Variants in MECOM observed in about 807,000 individuals in gnomAD.
MECOM encodes the protein histone-lysine N-methyltransferase MECOM.
Under a neutral mutation model 116.3 loss-of-function variants are expected in MECOM, and 13 were observed. The observed-to-expected ratio is 0.11, with a 90% CI of 0.07 to 0.18. The LOEUF is 0.18. MECOM is among the 10% of genes least tolerant of loss of function. The probability of loss-of-function intolerance (pLI) is 1.00; values close to 1 mark genes in which losing one functional copy is unlikely to be tolerated. For missense variants in MECOM, 1,299 were observed against 1,509.0 expected (o/e 0.86, Z 2.31); for synonymous variants, 528 against 535.2 (o/e 0.99, Z 0.19).
chr3:169,363,673 T>C (rs951683315), intron 2 of MECOM, among the ~76,000 whole-genome samples: 1 of 151,866 alleles, frequency 6.6e-6, no homozygotes, highest in African/African-American at 2.4e-5. Flanking sequence ...TGAAAGACAA[T>C]GTCAGAATTA....
chr3:169,475,526 G>A (rs1416051184), intron 1 of MECOM, among the ~76,000 whole-genome samples: 1 of 152,018 alleles, frequency 6.6e-6, no homozygotes, highest in African/African-American at 2.4e-5. Flanking sequence ...ATGGACACAT[G>A]GATGAAATGG....
intron 13 of MECOM, among the ~76,000 whole-genome samples, chr3:169,093,775 C>G (rs894243230): frequency 6.6e-6 from 1 of 152,184 alleles, no homozygotes; most frequent in Admixed American, 6.5e-5. Context: ...CACTTTTACA[C>G]TTAAGCACTT....
intron 2 of MECOM, among the ~76,000 whole-genome samples, chr3:169,227,871 C>T (rs1752931833): frequency 6.6e-6 from 1 of 152,148 alleles, no homozygotes; most frequent in African/African-American, 2.4e-5. Context: ...GATTTTGTTG[C>T]TGTGAAAGTG....
At chr3:169,616,220 G>C (rs1229270474) in intron 1 of MECOM, among the ~76,000 whole-genome samples, 1 of 152,210 alleles carries the variant, frequency 6.6e-6, no homozygotes, top group Non-Finnish European at 1.5e-5. Flanking sequence ...AGGCATGGAG[G>C]CATCAAGGAA....
At chr3:169,319,382 C>T (rs896488091) in intron 2 of MECOM, among the ~76,000 whole-genome samples, 1 of 151,706 alleles carries the variant, frequency 6.6e-6, no homozygotes, top group African/African-American at 2.4e-5. Context: ...AATGAGAACA[C>T]ATGGACATGG....
At chr3:169,209,517 C>A (rs1368927138) in intron 2 of MECOM, among the ~76,000 whole-genome samples, 1 of 151,242 alleles carries the variant, frequency 6.6e-6, no homozygotes, top group Non-Finnish European at 1.5e-5. Context: ...GAGAAAAAAA[C>A]AAACAACCCC....
chr3:169,428,131 C>T (rs1180147627), intron 1 of MECOM, among the ~76,000 whole-genome samples: 1 of 152,148 alleles, frequency 6.6e-6, no homozygotes, highest in Non-Finnish European at 1.5e-5. Context: ...TGTGAGCCAA[C>T]ATCACACCAC....
At chr3:169,351,119 A>T (rs1726247852) in intron 2 of MECOM, among the ~76,000 whole-genome samples, 1 of 151,896 alleles carries the variant, frequency 6.6e-6, no homozygotes, top group Non-Finnish European at 1.5e-5. Context: ...TTTATATTTT[A>T]AAAATTTAGA....
chr3:169,654,902 A>G (rs1409296148), intron 1 of MECOM, among the ~76,000 whole-genome samples: 1 of 152,028 alleles, frequency 6.6e-6, no homozygotes, highest in Non-Finnish European at 1.5e-5. Flanking sequence ...ATATTCAAAA[A>G]CCATTCTGGA....
intron 2 of MECOM, among the ~76,000 whole-genome samples, chr3:169,337,400 A>G (rs1456551507): frequency 6.6e-6 from 1 of 152,156 alleles, no homozygotes; most frequent in Non-Finnish European, 1.5e-5. Context: ...AGAGATTTCA[A>G]TTTATTGATT....
intron 2 of MECOM, among the ~76,000 whole-genome samples, chr3:169,323,432 G>A (rs1721264024): frequency 6.6e-6 from 1 of 152,150 alleles, no homozygotes; most frequent in South Asian, 2.1e-4. Flanking sequence ...CTGTCTTCCT[G>A]TTCCATGGAA....
intron 2 of MECOM, among the ~76,000 whole-genome samples, chr3:169,376,871 C>T (rs1454461327): frequency 6.6e-6 from 1 of 152,122 alleles, no homozygotes; most frequent in Non-Finnish European, 1.5e-5. Flanking sequence ...ATAGCCAAGA[C>T]AATGCTAAGC....
rs1357575274 is a variant in MECOM at position 169,116,039 on chromosome 3, T to C, written c.1833A>G (p.Lys611=). Residue 611 remains lysine, a synonymous_variant, in exon 8 of 17, where the codon AAA becomes AAG. Transcript: ENST00000651503. ...LESDIESDKE[K]FKENGKMFKD... is the part of the protein sequence containing the mutation. ...TGAACATTTTACCATTTTCTTTAAATTTCTCTTTATCACTTTCAATGTCAC... is the reference window on the plus strand; with the variant it reads ...TGAACATTTTACCATTTTCTTTAAACTTCTCTTTATCACTTTCAATGTCAC... 6.2e-7 allele frequency: 1 copy of C among 1,614,146 alleles called. No individual in the cohort carries two copies. Among genetic ancestry groups the C allele is most frequent in the Admixed American group, 1.7e-5 (1 of 60,018 alleles).
chr3:169,472,185 T>C (rs1400299572), intron 1 of MECOM, among the ~76,000 whole-genome samples: 1 of 151,436 alleles, frequency 6.6e-6, no homozygotes, highest in Non-Finnish European at 1.5e-5. Flanking sequence ...ACCAACTGTG[T>C]ACCAACAAAA....
chr3:169,555,825 T>C (rs1761960715), intron 1 of MECOM, among the ~76,000 whole-genome samples: 1 of 152,214 alleles, frequency 6.6e-6, no homozygotes, highest in African/African-American at 2.4e-5. Flanking sequence ...TCATCACTTA[T>C]CTTCTCCCAA....
chr3:169,310,256 G>A (rs977557747), intron 2 of MECOM, among the ~76,000 whole-genome samples: 23 of 151,996 alleles, frequency 1.5e-4, no homozygotes, highest in African/African-American at 5.3e-4. Flanking sequence ...ATAAACATGC[G>A]CTGAGCACCT....
chr3:169,476,565 C>T (rs1750413864), intron 1 of MECOM, among the ~76,000 whole-genome samples: 1 of 152,176 alleles, frequency 6.6e-6, no homozygotes, highest in Admixed American at 6.5e-5. Flanking sequence ...AAATTGGCCT[C>T]ATCTGTCTCA....
chr3:169,612,895 C>A (rs1037989548), intron 1 of MECOM, among the ~76,000 whole-genome samples: 1 of 152,186 alleles, frequency 6.6e-6, no homozygotes, highest in African/African-American at 2.4e-5. Flanking sequence ...TGACACAACA[C>A]TATTTTCAGC....
chr3:169,558,093 A>G (rs573854076), intron 1 of MECOM, among the ~76,000 whole-genome samples: 29 of 152,336 alleles, frequency 1.9e-4, no homozygotes, highest in African/African-American at 6.7e-4. Flanking sequence ...GCAATTTAAC[A>G]TCAGAAAATA....
Sources: gnomAD v4.1 joint callset for allele counts (sites outside exome capture counted in the v4.1 genomes callset) on GRCh38, gnomAD v4.1.1 for gene constraint, MANE v1.5 for transcripts, NCBI Gene and HGNC (gene_info 2026-07-23, HGNC 2026-07-21) for gene names.